The following TENM2 variants were observed in gnomAD, a reference collection of about 807,000 sequenced individuals.
The protein encoded by TENM2 is teneurin-2.
In TENM2, 52 loss-of-function variants were observed where a neutral mutation model predicts 245.2. The observed-to-expected ratio is 0.21, with a 90% confidence interval of 0.17 to 0.27. The LOEUF (loss-of-function observed/expected upper bound fraction) is 0.27, where lower values mean the gene tolerates loss of function less well. Ranked by LOEUF, TENM2 falls within the 10% of genes least tolerant of loss-of-function variation. The pLI, the probability that TENM2 is intolerant of heterozygous loss-of-function variation, is 1.00. For synonymous variants in TENM2, 1,363 were observed against 1,438.9 expected (o/e 0.95, Z 1.19); for missense variants, 3,046 against 3,666.8 (o/e 0.83, Z 4.37).
At chr5:167,597,160 CTTTTCTTTTT>C (rs1158983718) in intron 2 of TENM2, among the ~76,000 whole-genome samples, 12 of 102,236 alleles carry the variant, frequency 1.2e-4, no homozygotes. Context: ...CTTTTCTTTT[CTTTTCTTTTT>C]TTTTTTTTTT....
intron 6 of TENM2, among the ~76,000 whole-genome samples, chr5:168,053,703 A>G (rs982679349): frequency 1.8e-4 from 28 of 152,200 alleles, no homozygotes; most frequent in Admixed American, 1.6e-3. Context: ...ATACTACACC[A>G]TTTTATATAA....
intron 2 of TENM2, among the ~76,000 whole-genome samples, chr5:167,493,424 G>A (rs1451934187): frequency 6.6e-6 from 1 of 152,128 alleles, no homozygotes; most frequent in Non-Finnish European, 1.5e-5. Flanking sequence ...GTGATGTTAT[G>A]CAAATGACTA....
intron 14 of TENM2, 138 bp downstream of exon 16, chr5:168,190,685 A>T (rs529399855): frequency 3.0e-6 from 2 of 676,262 alleles, no homozygotes; most frequent in South Asian, 3.9e-5. Context: ...TCCAAGGGGG[A>T]CTCAGAGAAG....
intron 5 of TENM2, among the ~76,000 whole-genome samples, chr5:168,011,202 G>A (rs114337186): frequency 0.025 from 3,779 of 152,244 alleles, 152 homozygotes; most frequent in African/African-American, 0.081. Flanking sequence ...TATTTTGCAC[G>A]TTATGCAGGA....
At chr5:167,263,716 C>G in the TENM2 span, among the ~76,000 whole-genome samples, 4 of 151,838 alleles carry the variant, frequency 2.6e-5, no homozygotes, top group African/African-American at 9.7e-5. Context: ...TGCTCTTTTT[C>G]AGGCAAAAAG....
intron 2 of TENM2, among the ~76,000 whole-genome samples, chr5:167,740,228 TAC>T (rs1761086194): frequency 6.6e-6 from 1 of 152,192 alleles, no homozygotes; most frequent in Non-Finnish European, 1.5e-5. Flanking sequence ...CTTTTCCAGT[TAC>T]TGCCTTCTCT....
chr5:166,994,326 T>C, the TENM2 span, among the ~76,000 whole-genome samples: 1 of 152,356 alleles, frequency 6.6e-6, no homozygotes, highest in East Asian at 1.9e-4. Context: ...CTTAGCTTCC[T>C]CTGTTTTTTT....
intron 1 of TENM2, among the ~76,000 whole-genome samples, chr5:167,317,126 A>G (rs79786173): frequency 6.6e-6 from 1 of 152,152 alleles, no homozygotes; most frequent in African/African-American, 2.4e-5. Flanking sequence ...AGACGTCCCT[A>G]ATTTAAAATG....
chr5:167,209,607 A>G, the TENM2 span, among the ~76,000 whole-genome samples: 1 of 152,152 alleles, frequency 6.6e-6, no homozygotes, highest in Non-Finnish European at 1.5e-5. Context: ...AAGGTTCCCA[A>G]TTTAAGGCAA....
intron 1 of TENM2, among the ~76,000 whole-genome samples, chr5:167,370,810 T>C (rs1279968452): frequency 6.6e-5 from 10 of 152,186 alleles, no homozygotes; most frequent in Admixed American, 6.5e-4. Flanking sequence ...TGAAAGATAG[T>C]AAAGAAGAAT....
intron 12 of TENM2, among the ~76,000 whole-genome samples, chr5:168,148,891 A>T (rs1756365819): frequency 7.4e-6 from 1 of 134,470 alleles, no homozygotes. Flanking sequence ...AGATAGATAG[A>T]TAGATAGATA....
intron 2 of TENM2, among the ~76,000 whole-genome samples, chr5:167,836,267 C>A (rs1315255648): frequency 1.3e-5 from 2 of 152,128 alleles, no homozygotes; most frequent in Admixed American, 1.3e-4. Context: ...GGCCTGTTAA[C>A]ATAATTTAAA....
chr5:167,318,177 G>T (rs1328588526), intron 1 of TENM2, among the ~76,000 whole-genome samples: 1 of 152,178 alleles, frequency 6.6e-6, no homozygotes, highest in East Asian at 1.9e-4. Context: ...ACTCCTGTTG[G>T]CTCTGTCACT....
chr5:167,891,489 C>A (rs1774753942), intron 3 of TENM2, among the ~76,000 whole-genome samples: 1 of 152,126 alleles, frequency 6.6e-6, no homozygotes, highest in South Asian at 2.1e-4. Flanking sequence ...TTAAGTGGGC[C>A]ATGAAAAGGT....
chr5:167,433,635 A>G (rs1764375434), intron 2 of TENM2, among the ~76,000 whole-genome samples: 1 of 152,150 alleles, frequency 6.6e-6, no homozygotes, highest in Non-Finnish European at 1.5e-5. Context: ...GCATAAAGTA[A>G]TGTGACATTT....
At chr5:167,924,306 C>A (rs1047046691) in intron 3 of TENM2, among the ~76,000 whole-genome samples, 1 of 152,202 alleles carries the variant, frequency 6.6e-6, no homozygotes, top group Non-Finnish European at 1.5e-5. Flanking sequence ...TCGTGGGGAC[C>A]AGCTCTGATC....
At chr5:167,534,396 C>T (rs1201712999) in intron 2 of TENM2, among the ~76,000 whole-genome samples, 1 of 152,136 alleles carries the variant, frequency 6.6e-6, no homozygotes, top group Non-Finnish European at 1.5e-5. Context: ...AAGGCTGGGG[C>T]CCTGTGCAAA....
In TENM2 at chr5:167,440,236, TG is replaced by T. The variant is rs1459175381; in HGVS notation, c.502+64764del. ...CTTATAACAATGTAATGAAAATAAA[TG>T]TTTTTTTGTTATTGAATAGAATTTC... On this transcript the variant is annotated intron_variant, in intron 2 of 28. Coordinates refer to ENST00000518659, the Ensembl canonical transcript of TENM2. Among the ~76,000 whole-genome samples the T allele has an allele frequency of 3.9e-5, 6 of 152,204 alleles. No homozygotes were observed. The South Asian group carries it at 8.3e-4, about 21-fold the overall frequency.
intron 2 of TENM2, among the ~76,000 whole-genome samples, chr5:167,604,729 C>T (rs1023006391): frequency 6.6e-5 from 10 of 152,066 alleles, no homozygotes; most frequent in African/African-American, 2.2e-4. Flanking sequence ...GTGCAGTGAC[C>T]CAGGTCTTTT....
Sources: gnomAD v4.1 joint callset for allele counts (sites outside exome capture counted in the v4.1 genomes callset) on GRCh38, gnomAD v4.1.1 for gene constraint, MANE v1.5 for transcripts, NCBI Gene and HGNC (gene_info 2026-07-23, HGNC 2026-07-21) for gene names.